MYO15A: variants seen among roughly 807,000 people sequenced by gnomAD.
MYO15A encodes myosin XVA.
Under a neutral mutation model 394.6 loss-of-function variants are expected in MYO15A, and 308 were observed. That is an observed-to-expected ratio of 0.78 (90% CI 0.71 to 0.86). MYO15A has a LOEUF of 0.86. MYO15A is among the 40% of genes least tolerant of loss of function. MYO15A has a pLI of 0.00. For missense variants in MYO15A, 4,606 were observed against 4,799.1 expected, an observed-to-expected ratio of 0.96 and a Z score of 1.19; for synonymous variants, 1,957 against 2,003.8, an observed-to-expected ratio of 0.98 and a Z score of 0.62.
At chr17:18,159,739 T>A in intron 55 of MYO15A, 60 bp downstream of exon 55, 2 of 1,577,340 alleles carry the variant, frequency 1.3e-6, no homozygotes, top group Non-Finnish European at 1.7e-6. Context: ...AGTTTCCCCA[T>A]CTATCAATGA....
At chr17:18,124,197 C>T (rs1180641605) in intron 2 of MYO15A, 11 of 479,412 alleles carry the variant, frequency 2.3e-5, no homozygotes, top group Non-Finnish European at 4.3e-5. Context: ...GGCCCATGCG[C>T]CCATGTACCT....
chr17:18,135,205 T>G (rs895188545), intron 12 of MYO15A, among the ~76,000 whole-genome samples: 2 of 152,070 alleles, frequency 1.3e-5, no homozygotes, highest in African/African-American at 4.8e-5. Context: ...AGTTTCACTC[T>G]TGTCGCCCAG....
In MYO15A at chr17:18,159,330, C is replaced by T. The variant is rs2046739433; in HGVS notation, c.9212C>T (p.Ala3071Val). 2 of 1,614,206 alleles carry T rather than the reference C, an allele frequency of 1.2e-6. No individual in the cohort carries two copies. The highest frequency in any genetic ancestry group is 2.7e-5 in the African/African-American group (2 of 75,058). The stretch of plus-strand genomic sequence containing the variant: ...AGCGACAGCAGCCTCAGCAAGATGG[C>T]CACCGACATGTTCCTAGGTGTGGGA... ...ELSDSSLSKM[A>V]TDMFLAVMRF... The change falls in exon 54 of 66, where the codon GCC becomes GTC. Residue 3071 changes from alanine to valine, a missense_variant. Around this residue, in one of 2 missense-constraint regions of MYO15A, gnomAD observed 2,776 missense variants for 3,109.3 expected, o/e 0.89. Transcript: ENST00000647165.
Position 18,120,402 on chromosome 17 carries a change from C to T in MYO15A, c.1602C>T (p.Phe534=), listed in dbSNP as rs547305039. Residue 534 remains phenylalanine (F), a synonymous_variant, in exon 2 of 66, where the codon TTC becomes TTT. Coordinates refer to ENST00000647165, the MANE Select transcript of MYO15A (RefSeq NM_016239.4). ...CCTACGGCCACCCTTTCTGGGGCTT[C>T]CTCACGCCGCGCCAGCGCAACCTCC... ...AVPYGHPFWG[F]LTPRQRNLQR... is the part of the protein sequence containing the mutation. The T allele has an allele frequency of 2.3e-4, 369 of 1,607,288 alleles. 2 individuals carry two copies. Among genetic ancestry groups the T allele is most frequent in the South Asian group, 1.4e-3 (123 of 90,712 alleles).
At position 18,128,387 on chromosome 17, in the gene MYO15A, G is replaced by A. The variant is rs904377342; in HGVS notation, c.4032+1222G>A. On this transcript the variant is annotated intron_variant, in intron 7 of 65. Transcript: ENST00000647165. The stretch of plus-strand genomic sequence containing the variant: ...TTCCCCAACCCTGGGGCCCACAAAG[G>A]TTTGCACATGGCACAATGTCCTAGC... Among the ~76,000 whole-genome samples, 4 of 152,200 alleles carry A rather than the reference G, an allele frequency of 2.6e-5. No individual in the cohort carries two copies. In the East Asian group the frequency reaches 7.8e-4, roughly 30 times the overall value.
In MYO15A at chr17:18,159,630, C is replaced by T. The variant is rs1279987288; in HGVS notation, c.9254C>T (p.Ala3085Val). The T allele has an allele frequency of 6.2e-7, 1 of 1,614,100 alleles. No homozygotes were observed. Among genetic ancestry groups the T allele is most frequent in the Non-Finnish European group, 8.5e-7 (1 of 1,180,016 alleles). ...GCTGTAATGAGGTTCATGGGGGATG[C>T]CCCACTGAAGGGCCAGAGTGACCTG... is the stretch of plus-strand genomic sequence containing the variant. ...FLAVMRFMGD[A>V]PLKGQSDLDV... The change falls in exon 55 of 66, where the codon GCC becomes GTC. Residue 3085 changes from alanine to valine, a missense_variant. Ala to Val is a moderately conservative substitution (Grantham distance 64). Around this residue, in one of 2 missense-constraint regions of MYO15A, gnomAD observed 2,776 missense variants for 3,109.3 expected, o/e 0.89. Coordinates refer to ENST00000647165, the MANE Select transcript of MYO15A (RefSeq NM_016239.4).
intron 12 of MYO15A, 109 bp downstream of exon 12, chr17:18,133,495 G>C (rs919563056): frequency 1.4e-6 from 2 of 1,400,490 alleles, no homozygotes; most frequent in Non-Finnish European, 1.9e-6. Flanking sequence ...CATATCACTT[G>C]TTCCTGTTTT....
In MYO15A at chr17:18,167,718, G is replaced by A. The variant is rs367627564; in HGVS notation, c.10077G>A (p.Pro3359=). ...GCGCCAAGGACCACTTCTACCTGCC[G>A]AGCGTGTGAGCATCTGCCCTCCTGC... The part of the protein sequence containing the change: ...QHRAKDHFYL[P]SVREVQEYIP... Residue 3359 remains proline (P), a synonymous_variant, in exon 62 of 66, where the codon CCG becomes CCA. Transcript: ENST00000647165. The A allele has an allele frequency of 4.1e-4, 664 of 1,602,840 alleles. No individual in the cohort carries two copies. Among genetic ancestry groups the A allele is most frequent in the Non-Finnish European group, 5.4e-4 (643 of 1,179,948 alleles).
chr17:18,121,805 C>G lies in MYO15A; in HGVS notation c.3005C>G (p.Thr1002Ser), dbSNP rs758747812. ...CATGAGCCGGGGCCTGGACAGCTCA[C>G]CAAATCAGCTGGCCCAACCCCTGAG... is the stretch of plus-strand genomic sequence containing the variant. ...RHHEPGPGQL[T>S]KSAGPTPEKP... The change falls in exon 2 of 66, where the codon ACC becomes AGC. Residue 1002 changes from threonine (T) to serine (S), a missense_variant. By Grantham distance (58) the Thr-to-Ser change is moderately conservative. Around this residue, in one of 2 missense-constraint regions of MYO15A, gnomAD observed 1,830 missense variants for 1,689.7 expected, o/e 1.08. Coordinates refer to ENST00000647165, the MANE Select transcript of MYO15A (RefSeq NM_016239.4). The surrounding 1 kb of genome is among the most constrained non-coding windows in gnomAD (Gnocchi z 5.3). 4 of 1,612,798 alleles carry G rather than the reference C, an allele frequency of 2.5e-6. No individual in the cohort carries two copies. The South Asian group carries it at 4.4e-5, about 18-fold the overall frequency.
chr17:18,126,751 C>A, intron 5 of MYO15A, 40 bp from the exon 6 acceptor site: 2 of 1,606,714 alleles, frequency 1.2e-6, no homozygotes, highest in Non-Finnish European at 1.7e-6. Flanking sequence ...GGTGTGGGAG[C>A]TTAGAGGCAG....
At chr17:18,126,945 A>G in intron 6 of MYO15A, 80 bp downstream of exon 6, 1 of 1,599,144 alleles carries the variant, frequency 6.3e-7, no homozygotes, top group Non-Finnish European at 8.6e-7. Context: ...CTGCTGTGGG[A>G]CCTTGGAAGA....
At chr17:18,140,423 C>A in intron 19 of MYO15A, 94 bp from the exon 20 acceptor site, 1 of 1,555,042 alleles carries the variant, frequency 6.4e-7, no homozygotes. Context: ...TTCAGATCCC[C>A]CTGGTCCGGA....
At chr17:18,170,340 T>C (rs1260897299) in intron 62 of MYO15A, among the ~76,000 whole-genome samples, 1 of 149,868 alleles carries the variant, frequency 6.7e-6, no homozygotes, top group Non-Finnish European at 1.5e-5. Context: ...TTTTATTTTA[T>C]TTTATTTTAT....
At position 18,136,359 on chromosome 17, in the gene MYO15A, G is replaced by A. The variant is rs1319308981; in HGVS notation, c.4597-58G>A. Reference sequence around the variant, plus strand: ...ATCCCACTCCCTTAGTCCCCTGGGGGCTTTCCGGAGGCAGAGTGGCCAGCC... The same window carrying A: ...ATCCCACTCCCTTAGTCCCCTGGGGACTTTCCGGAGGCAGAGTGGCCAGCC... On this transcript the variant is annotated intron_variant, in intron 13 of 65. Coordinates refer to ENST00000647165, the MANE Select transcript of MYO15A (RefSeq NM_016239.4). 5 of 1,603,592 alleles carry A rather than the reference G, an allele frequency of 3.1e-6. No individual in the cohort carries two copies. The South Asian group carries it at 4.4e-5, about 14-fold the overall frequency.
chr17:18,153,566 CG>C lies in MYO15A; in HGVS notation c.7967-206del, dbSNP rs1305260860. On this transcript the variant is annotated intron_variant, in intron 42 of 65. Coordinates refer to ENST00000647165, the MANE Select transcript of MYO15A (RefSeq NM_016239.4). This position sits in a 1 kb window ranked among gnomAD's most constrained non-coding sequence, Gnocchi z 4.1. Reference sequence around the variant, plus strand: ...ACAAAAAATTAGCCAGGCGTCGTGGCGGGCGCCTGTAATCCCAGCTACTCAG... The same window carrying C: ...ACAAAAAATTAGCCAGGCGTCGTGGCGGCGCCTGTAATCCCAGCTACTCAG... 3.6e-6 allele frequency: 1 copy of C among 280,498 alleles called. No homozygotes were observed. The highest frequency in any genetic ancestry group is 5.9e-6 in the Non-Finnish European group (1 of 168,378). 17.4% of individuals were successfully genotyped at this position (280,498 alleles called of 1,614,324 possible).
chr17:18,125,292 C>A, intron 4 of MYO15A, 61 bp downstream of exon 4: 1 of 1,506,652 alleles, frequency 6.6e-7, no homozygotes, highest in Non-Finnish European at 9.2e-7. Context: ...CCTCCTGGGG[C>A]CGGGTGGGAC....
In MYO15A at chr17:18,119,504, AT is replaced by A; in HGVS notation, c.706del (p.Tyr236MetfsTer208). 1 of 1,612,372 alleles carries A rather than the reference AT, an allele frequency of 6.2e-7. No individual in the cohort carries two copies. The highest frequency in any genetic ancestry group is 8.5e-7 in the Non-Finnish European group (1 of 1,179,968). On this transcript the variant is annotated frameshift_variant, in exon 2 of 66. Transcript: ENST00000647165. LOFTEE classifies it high-confidence loss of function. ...GLEGFQDLGE[Y>X]YDYHRDGDDY... Reference sequence around the variant, plus strand: ...GAGGGCTTCCAGGACCTGGGCGAGTATTATGACTATCACCGCGACGGCGACG... The same window carrying A: ...GAGGGCTTCCAGGACCTGGGCGAGTATATGACTATCACCGCGACGGCGACG...
rs1485880816 is a variant in MYO15A, at chr17:18,153,746, C to A, written c.7967-29C>A. 1 of 1,612,322 alleles carries A rather than the reference C, an allele frequency of 6.2e-7. No homozygotes were observed. ...TAAATAAAAAAACGAGGTGCCTTCT[C>A]CTGACTCCCTGATCCCCGCGCTCTC... On this transcript the variant is annotated intron_variant, in intron 42 of 65. Coordinates refer to ENST00000647165, the MANE Select transcript of MYO15A (RefSeq NM_016239.4). This position sits in a 1 kb window ranked among gnomAD's most constrained non-coding sequence, Gnocchi z 4.1.
At chr17:18,110,161 C>T (rs2045704281) in intron 1 of MYO15A, 1 of 152,514 alleles carries the variant, frequency 6.6e-6, no homozygotes, top group Admixed American at 6.5e-5. Flanking sequence ...AAGCCAACCC[C>T]AAGACTACTT....
Sources: allele counts gnomAD v4.1 joint callset (sites outside exome capture counted in the v4.1 genomes callset), GRCh38; gene constraint gnomAD v4.1.1; regional missense constraint gnomAD v4.1.1; non-coding constraint Gnocchi (gnomAD v3.1); transcripts MANE v1.5; gene names NCBI Gene and HGNC (gene_info 2026-07-23, HGNC 2026-07-21).